MOB3B: variants seen among roughly 807,000 people sequenced by gnomAD.
MOB3B encodes MOB kinase activator 3B.
Under a neutral mutation model 18.7 loss-of-function variants are expected in MOB3B, and 7 were observed. The ratio of observed to expected loss-of-function variants is 0.37; its 90% confidence interval spans 0.21 to 0.70. The LOEUF (loss-of-function observed/expected upper bound fraction) is 0.70, where lower values mean the gene tolerates loss of function less well. Among genes scored for constraint, MOB3B ranks in the 30% least tolerant of loss-of-function variants. The pLI, the probability that MOB3B is intolerant of heterozygous loss-of-function variation, is 0.52. For missense variants in MOB3B, 253 were observed against 281.3 expected (o/e 0.90, Z 0.72); for synonymous variants, 111 against 99.9 (o/e 1.11, Z -0.66).
intron 1 of MOB3B, among the ~76,000 whole-genome samples, chr9:27,514,345 C>CAACAAAA (rs1820196870): frequency 1.3e-5 from 1 of 77,638 alleles, no homozygotes; most frequent in Non-Finnish European, 2.5e-5. Context: ...ACCACAAGCT[C>CAACAAAA]AAAAAAAAAA....
chr9:27,355,472 T>C (rs1434283734), intron 3 of MOB3B, among the ~76,000 whole-genome samples: 1 of 152,132 alleles, frequency 6.6e-6, no homozygotes, highest in Non-Finnish European at 1.5e-5. Flanking sequence ...TCATCATCCT[T>C]TGAGGGTCAA....
intron 2 of MOB3B, among the ~76,000 whole-genome samples, chr9:27,400,294 C>T (rs191598730): frequency 6.6e-6 from 1 of 152,310 alleles, no homozygotes. Flanking sequence ...CTCTCCAAAA[C>T]CTGGCCTCAA....
chr9:27,457,700 T>C (rs1475043536), intron 1 of MOB3B, among the ~76,000 whole-genome samples: 1 of 151,714 alleles, frequency 6.6e-6, no homozygotes, highest in African/African-American at 2.4e-5. Flanking sequence ...GGTTTTTTTT[T>C]TCCTATTCAC....
intron 1 of MOB3B, among the ~76,000 whole-genome samples, chr9:27,477,253 C>T (rs2131472906): frequency 1.3e-5 from 2 of 152,308 alleles, no homozygotes; most frequent in South Asian, 2.1e-4. Context: ...GCCAATCCTG[C>T]CTTGGCGTAA....
intron 2 of MOB3B, among the ~76,000 whole-genome samples, chr9:27,435,139 A>T (rs1822480004): frequency 6.6e-6 from 1 of 152,004 alleles, no homozygotes; most frequent in African/African-American, 2.4e-5. Flanking sequence ...GGGAAGGCCT[A>T]GACTAAAATC....
chr9:27,410,933 C>A (rs1822056394), intron 2 of MOB3B, among the ~76,000 whole-genome samples: 2 of 152,122 alleles, frequency 1.3e-5, no homozygotes, highest in African/African-American at 4.8e-5. Context: ...CACGTCTTAA[C>A]TATTCTTTGA....
At chr9:27,482,653 C>G (rs754423315) in intron 1 of MOB3B, among the ~76,000 whole-genome samples, 1 of 152,164 alleles carries the variant, frequency 6.6e-6, no homozygotes, top group Non-Finnish European at 1.5e-5. Flanking sequence ...TGCTGGTGGC[C>G]TGCCCAGATG....
chr9:27,461,705 C>T (rs776180667), intron 1 of MOB3B, among the ~76,000 whole-genome samples: 1 of 152,200 alleles, frequency 6.6e-6, no homozygotes, highest in Non-Finnish European at 1.5e-5. Flanking sequence ...TTTTGGTCAT[C>T]AGTGCAGACA....
chr9:27,456,981 T>A (rs764694783), intron 1 of MOB3B, among the ~76,000 whole-genome samples: 3 of 152,234 alleles, frequency 2.0e-5, no homozygotes, highest in Non-Finnish European at 2.9e-5. Context: ...CTGCTGAGGT[T>A]TATAGATTTA....
intron 1 of MOB3B, among the ~76,000 whole-genome samples, chr9:27,512,252 C>T (rs183094156): frequency 3.5e-4 from 53 of 152,194 alleles, no homozygotes; most frequent in African/African-American, 1.2e-3. Flanking sequence ...TTTAGGCCAT[C>T]CTATAATTTT....
chr9:27,476,097 G>A (rs954148311), intron 1 of MOB3B, among the ~76,000 whole-genome samples: 3 of 152,104 alleles, frequency 2.0e-5, no homozygotes, highest in Non-Finnish European at 4.4e-5. Context: ...CTTCCCCTAC[G>A]ATTCTCTCCC....
intron 1 of MOB3B, among the ~76,000 whole-genome samples, chr9:27,485,193 C>T (rs144761353): frequency 3.2e-4 from 49 of 152,250 alleles, no homozygotes; most frequent in Admixed American, 1.3e-3. Flanking sequence ...ATTTAATCCT[C>T]GAAACAACCC....
chr9:27,408,051 T>C (rs1400083631), intron 2 of MOB3B, among the ~76,000 whole-genome samples: 1 of 152,156 alleles, frequency 6.6e-6, no homozygotes, highest in East Asian at 1.9e-4. Flanking sequence ...GCTTGGGACA[T>C]CAATGGCTCA....
chr9:27,507,809 A>G lies in MOB3B; in HGVS notation c.-199+21746T>C, dbSNP rs568796310. Among the ~76,000 whole-genome samples, 3 of 152,358 alleles carry G rather than the reference A, an allele frequency of 2.0e-5. No individual in the cohort carries two copies. In the South Asian group the frequency reaches 6.2e-4, roughly 32 times the overall value. ...TTTTGAAGAATGACCATTTACAAAT[A>G]AAGTCATGTTCTACAGACTGTTTAA... On this transcript the variant is annotated intron_variant, in intron 1 of 3. Coordinates refer to ENST00000262244, the MANE Select transcript of MOB3B (RefSeq NM_024761.5).
At chr9:27,393,477 G>C (rs10967922) in intron 2 of MOB3B, among the ~76,000 whole-genome samples, 1 of 151,926 alleles carries the variant, frequency 6.6e-6, no homozygotes, top group African/African-American at 2.4e-5. Flanking sequence ...GGACACCATC[G>C]ATACTGTATT....
At chr9:27,426,906 T>C (rs1587205112) in intron 2 of MOB3B, among the ~76,000 whole-genome samples, 3 of 152,194 alleles carry the variant, frequency 2.0e-5, no homozygotes, top group East Asian at 1.9e-4. Context: ...TGGAGGGTAA[T>C]GGAATAGGCG....
intron 3 of MOB3B, among the ~76,000 whole-genome samples, chr9:27,344,570 C>T (rs529612505): frequency 1.3e-5 from 2 of 152,238 alleles, no homozygotes; most frequent in South Asian, 2.1e-4. Context: ...CTGTCGTAGC[C>T]GTCAGGGAAA....
At chr9:27,500,596 T>C (rs999204148) in intron 1 of MOB3B, among the ~76,000 whole-genome samples, 6 of 152,138 alleles carry the variant, frequency 3.9e-5, no homozygotes, top group African/African-American at 1.4e-4. Context: ...CAAAAATTAA[T>C]TCAAGATGGA....
intron 2 of MOB3B, among the ~76,000 whole-genome samples, chr9:27,426,920 T>C (rs1822343482): frequency 6.6e-6 from 1 of 152,178 alleles, no homozygotes; most frequent in South Asian, 2.1e-4. Context: ...ATAGGCGGGA[T>C]GCTTGATTTT....
Sources: allele counts gnomAD v4.1 joint callset (sites outside exome capture counted in the v4.1 genomes callset), GRCh38; gene constraint gnomAD v4.1.1; transcripts MANE v1.5; gene names NCBI Gene and HGNC (gene_info 2026-07-23, HGNC 2026-07-21).